Variants in MRTFB observed in about 807,000 individuals in gnomAD.
MRTFB encodes the protein myocardin related transcription factor B.
A neutral mutation model predicts 104.2 loss-of-function variants in MRTFB; 29 were observed. That is an observed-to-expected ratio of 0.28 (90% CI 0.21 to 0.38). MRTFB has a LOEUF of 0.38. Ranked by LOEUF, MRTFB falls within the 10% of genes least tolerant of loss-of-function variation. The pLI is 1.00. For missense variants in MRTFB, 1,270 were observed against 1,341.6 expected, an observed-to-expected ratio of 0.95 and a Z score of 0.83; for synonymous variants, 535 against 519.5, an observed-to-expected ratio of 1.03 and a Z score of -0.41.
At chr16:14,216,696 T>C (rs1255715412) in intron 6 of MRTFB, among the ~76,000 whole-genome samples, 1 of 152,128 alleles carries the variant, frequency 6.6e-6, no homozygotes, top group Non-Finnish European at 1.5e-5. Context: ...GAGAAGCTTA[T>C]AACCCTAAGA....
intron 8 of MRTFB, among the ~76,000 whole-genome samples, chr16:14,229,523 A>T (rs2042164292): frequency 6.6e-6 from 1 of 152,264 alleles, no homozygotes; most frequent in Admixed American, 6.5e-5. Context: ...TCAAGACCAC[A>T]TAAAGAAATT....
intron 2 of MRTFB, among the ~76,000 whole-genome samples, chr16:14,123,114 C>G (rs764157890): frequency 6.6e-6 from 1 of 152,212 alleles, no homozygotes; most frequent in African/African-American, 2.4e-5. Flanking sequence ...GGTTCACACC[C>G]TTTGCTCACT....
chr16:14,013,144 A>G, the MRTFB span: 1 of 152,204 alleles, frequency 6.6e-6, no homozygotes, highest in Non-Finnish European at 1.5e-5. Context: ...CTATGTCCTG[A>G]GCGCTCTGAG....
chr16:14,222,061 T>C (rs2041747794), intron 8 of MRTFB, among the ~76,000 whole-genome samples: 1 of 152,176 alleles, frequency 6.6e-6, no homozygotes, highest in Non-Finnish European at 1.5e-5. Flanking sequence ...ATTACAGGAA[T>C]GAGCCGCCGC....
At chr16:13,997,792 C>CAAAAAAAAAAAA in the MRTFB span, among the ~76,000 whole-genome samples, 1 of 90,766 alleles carries the variant, frequency 1.1e-5, no homozygotes, top group African/African-American at 4.2e-5. Context: ...GACCCTATCT[C>CAAAAAAAAAAAA]AAAAAAAAAA....
At chr16:14,208,013 G>A (rs915227939) in intron 3 of MRTFB, among the ~76,000 whole-genome samples, 2 of 152,210 alleles carry the variant, frequency 1.3e-5, no homozygotes, top group South Asian at 2.1e-4. Flanking sequence ...ACCCAGTTGG[G>A]CATCCAGAAT....
chr16:14,027,333 TGATA>T, the MRTFB span, among the ~76,000 whole-genome samples: 1 of 152,050 alleles, frequency 6.6e-6, no homozygotes, highest in Non-Finnish European at 1.5e-5. Context: ...AACAACAAAA[TGATA>T]GGAATGGAGA....
chr16:14,085,114 TAAAG>T (rs1029148442), intron 2 of MRTFB, among the ~76,000 whole-genome samples: 1 of 152,044 alleles, frequency 6.6e-6, no homozygotes, highest in African/African-American at 2.4e-5. Flanking sequence ...TCTCATCTCT[TAAAG>T]AAAAAAAAGC....
At chr16:14,036,614 TGTTG>T in the MRTFB span, among the ~76,000 whole-genome samples, 1 of 151,310 alleles carries the variant, frequency 6.6e-6, no homozygotes, top group African/African-American at 2.4e-5. Context: ...ATCATATATA[TGTTG>T]AAATATATAC....
the MRTFB span, chr16:14,012,911 T>C: frequency 6.6e-6 from 1 of 152,142 alleles, no homozygotes; most frequent in African/African-American, 2.4e-5. Flanking sequence ...TTTCCTGATA[T>C]CTTAGTGAGG....
chr16:14,126,355 A>G (rs1048711987), intron 2 of MRTFB, among the ~76,000 whole-genome samples: 59 of 152,320 alleles, frequency 3.9e-4, no homozygotes, highest in African/African-American at 1.4e-3. Flanking sequence ...AACCTGTATT[A>G]TGCCTGGGCT....
chr16:14,052,080 A>G, the MRTFB span, among the ~76,000 whole-genome samples: 1 of 152,024 alleles, frequency 6.6e-6, no homozygotes, highest in Non-Finnish European at 1.5e-5. Flanking sequence ...CCACCCTTAC[A>G]CAAGCTTAAA....
rs527729416 is a variant in MRTFB at position 14,264,598 on chromosome 16, T to C, written c.*3154T>C. ...TGTGTTTGTTTCATATGAATATTTT[T>C]GTAATTCTAAAAGAGATCTTATTTA... On this transcript the variant is annotated 3_prime_UTR_variant, in exon 17 of 17. Transcript: ENST00000571589. 2 of 152,396 alleles carry C rather than the reference T, an allele frequency of 1.3e-5. No homozygotes were observed. The highest frequency in any genetic ancestry group is 2.4e-5 in the African/African-American group (1 of 41,600). 9.4% of individuals were successfully genotyped at this position (152,396 alleles called of 1,614,324 possible).
chr16:14,166,975 G>T (rs1272409925), intron 3 of MRTFB, among the ~76,000 whole-genome samples: 1 of 152,128 alleles, frequency 6.6e-6, no homozygotes, highest in African/African-American at 2.4e-5. Flanking sequence ...TAACATACAT[G>T]TGCACATACC....
chr16:14,055,299 C>T, the MRTFB span, among the ~76,000 whole-genome samples: 33 of 152,258 alleles, frequency 2.2e-4, no homozygotes, highest in African/African-American at 7.5e-4. Flanking sequence ...TTCCGTGAGC[C>T]GAGATTGCGC....
the MRTFB span, among the ~76,000 whole-genome samples, chr16:14,008,973 GTCTC>G: frequency 3.7e-5 from 2 of 53,850 alleles, no homozygotes; most frequent in Admixed American, 1.9e-4. Context: ...TAGAGACAGG[GTCTC>G]TCTCTCTGAC....
intron 3 of MRTFB, among the ~76,000 whole-genome samples, chr16:14,173,757 G>C (rs746715015): frequency 2.0e-5 from 3 of 151,884 alleles, no homozygotes; most frequent in Non-Finnish European, 2.9e-5. Flanking sequence ...TCTGTTCTTT[G>C]TTTTTTAATC....
At chr16:14,060,295 C>G in the MRTFB span, among the ~76,000 whole-genome samples, 4 of 152,116 alleles carry the variant, frequency 2.6e-5, no homozygotes, top group Non-Finnish European at 5.9e-5. Flanking sequence ...GTGTGAGCCA[C>G]TATGCCCGAC....
At chr16:14,152,618 C>T (rs929895462) in intron 3 of MRTFB, 1 of 151,956 alleles carries the variant, frequency 6.6e-6, no homozygotes, top group African/African-American at 2.4e-5. Context: ...AGATTTGGAG[C>T]CTGGAGAACT....
Sources: allele counts gnomAD v4.1 joint callset (sites outside exome capture counted in the v4.1 genomes callset), GRCh38; gene constraint gnomAD v4.1.1; transcripts MANE v1.5; gene names NCBI Gene and HGNC (gene_info 2026-07-23, HGNC 2026-07-21).